Variants in MIPOL1 observed in about 807,000 individuals in gnomAD.
MIPOL1 encodes the protein mirror-image polydactyly gene 1 protein.
In MIPOL1, 57 loss-of-function variants were observed where a neutral mutation model predicts 60.9. The ratio of observed to expected loss-of-function variants is 0.94; its 90% confidence interval spans 0.76 to 1.17. The LOEUF (loss-of-function observed/expected upper bound fraction) is 1.17, where lower values mean the gene tolerates loss of function less well. Ranked by LOEUF, MIPOL1 falls within the 50% of genes most tolerant of loss-of-function variation. MIPOL1 has a pLI of 0.00. For synonymous variants in MIPOL1, 179 were observed against 168.8 expected (o/e 1.06, Z -0.47); for missense variants, 551 against 511.6 (o/e 1.08, Z -0.74).
chr14:37,309,342 G>A (rs896407470), intron 9 of MIPOL1, among the ~76,000 whole-genome samples: 2 of 151,852 alleles, frequency 1.3e-5, no homozygotes. Flanking sequence ...GCATCAGACT[G>A]TACCACCCAG....
chr14:37,503,871 G>A (rs181142835), intron 12 of MIPOL1: 2 of 152,288 alleles, frequency 1.3e-5, no homozygotes, highest in East Asian at 3.9e-4. Context: ...CATCTTACAT[G>A]CAGAGGCACA....
intron 11 of MIPOL1, among the ~76,000 whole-genome samples, chr14:37,423,374 G>A (rs1595712818): frequency 6.6e-6 from 1 of 150,868 alleles, no homozygotes; most frequent in Non-Finnish European, 1.5e-5. Context: ...AACCTTTCAT[G>A]TATTTTAATA....
At chr14:37,315,053 T>C (rs193063138) in intron 9 of MIPOL1, among the ~76,000 whole-genome samples, 91 of 152,222 alleles carry the variant, frequency 6.0e-4, no homozygotes, top group African/African-American at 2.1e-3. Flanking sequence ...GGTAGTGGTG[T>C]GATGAAAATA....
intron 3 of MIPOL1, among the ~76,000 whole-genome samples, chr14:37,262,548 C>T (rs183957096): frequency 4.8e-4 from 73 of 152,202 alleles, no homozygotes; most frequent in Non-Finnish European, 4.1e-4. Flanking sequence ...CTTCTTTTCT[C>T]ACCCCCCAAA....
chr14:37,425,749 A>G (rs997656311), intron 11 of MIPOL1, among the ~76,000 whole-genome samples: 1 of 152,224 alleles, frequency 6.6e-6, no homozygotes, highest in South Asian at 2.1e-4. Flanking sequence ...CAAAAAATAT[A>G]TCACTGAAAC....
Position 37,480,553 on chromosome 14 carries a change from G to A in MIPOL1, c.1032-19355G>A, listed in dbSNP as rs1198180890. On this transcript the variant is annotated intron_variant, in intron 11 of 12. Coordinates refer to ENST00000684589, the MANE Select transcript of MIPOL1 (RefSeq NM_001388067.1). ...TCACCAAACTCGGTATAGAAAGAATGTACCTCAATAAAATAAAGGCCATAT... is the reference window on the plus strand; with the variant it reads ...TCACCAAACTCGGTATAGAAAGAATATACCTCAATAAAATAAAGGCCATAT... Among the ~76,000 whole-genome samples the A allele has an allele frequency of 2.0e-5, 3 of 151,062 alleles. No individual in the cohort carries two copies. In the South Asian group the frequency reaches 6.3e-4, roughly 32 times the overall value.
At chr14:37,488,688 T>C (rs1377729810) in intron 11 of MIPOL1, among the ~76,000 whole-genome samples, 1 of 152,210 alleles carries the variant, frequency 6.6e-6, no homozygotes, top group Admixed American at 6.5e-5. Flanking sequence ...ATTTCTCCTT[T>C]GCTTATGAAA....
In MIPOL1 at chr14:37,434,866, AC is replaced by A. The variant is rs1423353255; in HGVS notation, c.1031+11918del. On this transcript the variant is annotated intron_variant, in intron 11 of 12. Transcript: ENST00000684589. ...TAATCACAGCAAAAAAAAAAAAAAA[AC>A]AAAATACCTTCACAGCAACATCTAG... Among the ~76,000 whole-genome samples, 114 of 147,490 alleles carry A rather than the reference AC, an allele frequency of 7.7e-4. No individual in the cohort carries two copies. The East Asian group carries it at 0.016, about 21-fold the overall frequency.
intron 10 of MIPOL1, among the ~76,000 whole-genome samples, chr14:37,408,216 T>C (rs1213765860): frequency 1.3e-5 from 2 of 152,076 alleles, no homozygotes; most frequent in African/African-American, 4.8e-5. Context: ...AACAATATTA[T>C]TAGAGTGATT....
At chr14:37,539,626 G>A (rs775849781) in intron 12 of MIPOL1, among the ~76,000 whole-genome samples, 4 of 152,078 alleles carry the variant, frequency 2.6e-5, no homozygotes, top group Non-Finnish European at 5.9e-5. Context: ...GACTGGAAGT[G>A]TTAGCCTCAA....
At chr14:37,299,868 A>G (rs934066477) in intron 7 of MIPOL1, among the ~76,000 whole-genome samples, 2 of 152,022 alleles carry the variant, frequency 1.3e-5, no homozygotes, top group South Asian at 2.1e-4. Context: ...ATGTCTCCCT[A>G]GCCTGTCCTG....
chr14:37,281,231 T>TAATTTTCCCAGCACC (rs1190922742), intron 6 of MIPOL1, among the ~76,000 whole-genome samples: 1 of 152,234 alleles, frequency 6.6e-6, no homozygotes, highest in East Asian at 1.9e-4. Context: ...TGTGGATATC[T>TAATTTTCCCAGCACC]AATTTTCCCA....
intron 1 of MIPOL1, among the ~76,000 whole-genome samples, chr14:37,200,898 GTAT>G (rs1965210343): frequency 2.4e-5 from 1 of 42,436 alleles, no homozygotes. Flanking sequence ...GTGTGTGTGT[GTAT>G]TTTTTTTTTT....
At chr14:37,387,912 TAAATA>T (rs2093120259) in intron 10 of MIPOL1, among the ~76,000 whole-genome samples, 1 of 151,570 alleles carries the variant, frequency 6.6e-6, no homozygotes, top group Non-Finnish European at 1.5e-5. Context: ...TTAAAATAAA[TAAATA>T]AAGGAAACTT....
intron 3 of MIPOL1, among the ~76,000 whole-genome samples, chr14:37,263,606 C>T (rs1197542112): frequency 1.3e-5 from 2 of 152,128 alleles, no homozygotes. Context: ...AGTAATCATA[C>T]ATTTTTTCCT....
At chr14:37,456,185 TCCTTTG>T (rs1419921624) in intron 11 of MIPOL1, among the ~76,000 whole-genome samples, 1 of 152,068 alleles carries the variant, frequency 6.6e-6, no homozygotes, top group Non-Finnish European at 1.5e-5. Flanking sequence ...CAGTTTTCAG[TCCTTTG>T]CCTATCCAAA....
chr14:37,466,856 C>T (rs1208425753), intron 11 of MIPOL1, among the ~76,000 whole-genome samples: 1 of 152,182 alleles, frequency 6.6e-6, no homozygotes, highest in Non-Finnish European at 1.5e-5. Context: ...ACATAGTTTA[C>T]AGCACAGTAG....
At chr14:37,410,508 C>CA (rs996439349) in intron 10 of MIPOL1, among the ~76,000 whole-genome samples, 6 of 151,938 alleles carry the variant, frequency 3.9e-5, no homozygotes, top group African/African-American at 1.5e-4. Flanking sequence ...AAGAAACTTC[C>CA]AGGAGCTGTT....
chr14:37,305,297 A>G (rs1412509811), intron 7 of MIPOL1, among the ~76,000 whole-genome samples: 1 of 151,886 alleles, frequency 6.6e-6, no homozygotes, highest in Non-Finnish European at 1.5e-5. Flanking sequence ...TTGGCACTTA[A>G]CAGTGCATTA....
Sources: gnomAD v4.1 joint callset for allele counts (sites outside exome capture counted in the v4.1 genomes callset) on GRCh38, gnomAD v4.1.1 for gene constraint, MANE v1.5 for transcripts, NCBI Gene and HGNC (gene_info 2026-07-23, HGNC 2026-07-21) for gene names.